IDE: variants seen among roughly 807,000 people sequenced by gnomAD.
IDE encodes insulin-degrading enzyme.
IDE carries 58 observed loss-of-function variants against 133.2 expected under a neutral mutation model. The observed-to-expected ratio is 0.44, with a 90% confidence interval of 0.35 to 0.54. The LOEUF (loss-of-function observed/expected upper bound fraction) is 0.54, where lower values mean the gene tolerates loss of function less well. IDE is among the 20% of genes least tolerant of loss of function. The pLI, the probability that IDE is intolerant of heterozygous loss-of-function variation, is 0.00. For synonymous variants in IDE, 396 were observed against 421.3 expected (o/e 0.94, Z 0.73); for missense variants, 981 against 1,234.0 (o/e 0.79, Z 3.07).
chr10:92,536,095 G>A (rs1271775057), intron 2 of IDE, among the ~76,000 whole-genome samples: 1 of 151,698 alleles, frequency 6.6e-6, no homozygotes, highest in Non-Finnish European at 1.5e-5. Flanking sequence ...TAAGAAATGT[G>A]CCCATGGCAG....
chr10:92,500,417 T>C (rs1319651803), intron 11 of IDE, among the ~76,000 whole-genome samples: 1 of 152,168 alleles, frequency 6.6e-6, no homozygotes, highest in Non-Finnish European at 1.5e-5. Flanking sequence ...TGCTACAACA[T>C]GGATGAACCT....
At chr10:92,528,453 T>G (rs1849743233) in intron 4 of IDE, among the ~76,000 whole-genome samples, 1 of 148,818 alleles carries the variant, frequency 6.7e-6, no homozygotes, top group East Asian at 2.0e-4. Context: ...CAGATCAGAG[T>G]TTCTCTAGAA....
chr10:92,550,650 CAAAAAAA>C (rs71028826), intron 1 of IDE, among the ~76,000 whole-genome samples: 81 of 57,420 alleles, frequency 1.4e-3, no homozygotes, highest in African/African-American at 5.1e-3. Context: ...GACTCCGTCT[CAAAAAAA>C]AAAAAAAAAA....
intron 4 of IDE, among the ~76,000 whole-genome samples, chr10:92,527,128 ATTTTC>A (rs1849666690): frequency 6.6e-6 from 1 of 152,038 alleles, no homozygotes; most frequent in South Asian, 2.1e-4. Context: ...ATTCTCATAT[ATTTTC>A]TTTTAAAAGT....
chr10:92,464,813 G>C (rs1425364117), intron 20 of IDE, among the ~76,000 whole-genome samples: 2 of 152,136 alleles, frequency 1.3e-5, no homozygotes, highest in African/African-American at 4.8e-5. Flanking sequence ...GGGATTACAG[G>C]CATGCACCAC....
At chr10:92,473,649 T>C (rs1846098648) in intron 17 of IDE, among the ~76,000 whole-genome samples, 1 of 151,196 alleles carries the variant, frequency 6.6e-6, no homozygotes, top group African/African-American at 2.4e-5. Context: ...CTGAACATTG[T>C]GTGTTAAGAC....
chr10:92,528,566 T>C (rs1476342401), intron 4 of IDE, among the ~76,000 whole-genome samples: 2 of 152,076 alleles, frequency 1.3e-5, no homozygotes, highest in South Asian at 4.1e-4. Flanking sequence ...AACACATATA[T>C]GTACTCTGAA....
At chr10:92,503,831 G>A (rs932740289) in intron 11 of IDE, among the ~76,000 whole-genome samples, 1 of 150,960 alleles carries the variant, frequency 6.6e-6, no homozygotes, top group Admixed American at 6.6e-5. Flanking sequence ...CGATTCTCCT[G>A]TTGCAGCCTC....
At chr10:92,507,330 G>C (rs1441561815) in intron 9 of IDE, among the ~76,000 whole-genome samples, 1 of 152,136 alleles carries the variant, frequency 6.6e-6, no homozygotes, top group Non-Finnish European at 1.5e-5. Flanking sequence ...AAAAGCATTT[G>C]ATTTCTTCCC....
chr10:92,507,975 G>A, intron 8 of IDE, 138 bp downstream of exon 8: 1 of 690,994 alleles, frequency 1.4e-6, no homozygotes, highest in Non-Finnish European at 2.5e-6. Context: ...AGTTACATAT[G>A]AAAAATACAA....
intron 13 of IDE, 56 bp downstream of exon 13, chr10:92,487,140 C>T: frequency 6.6e-7 from 1 of 1,521,666 alleles, no homozygotes; most frequent in Non-Finnish European, 8.9e-7. Context: ...TTTACCCAGT[C>T]CCCCATGTAT....
chr10:92,498,254 G>T (rs1370583403), intron 11 of IDE, among the ~76,000 whole-genome samples: 1 of 152,194 alleles, frequency 6.6e-6, no homozygotes, highest in East Asian at 1.9e-4. Context: ...AGAAAAAAAT[G>T]ATGTATCCAA....
At chr10:92,483,388 A>C in intron 13 of IDE, 51 bp from the exon 14 acceptor site, 2 of 968,814 alleles carry the variant, frequency 2.1e-6, no homozygotes, top group Non-Finnish European at 3.3e-6. Flanking sequence ...ATTCAGCAAA[A>C]ATGTTCAATC....
chr10:92,488,498 C>T (rs973509190), intron 12 of IDE, among the ~76,000 whole-genome samples: 2 of 152,158 alleles, frequency 1.3e-5, no homozygotes, highest in Non-Finnish European at 2.9e-5. Flanking sequence ...AAAGTTGAGG[C>T]CAGGCGCGGT....
chr10:92,503,906 C>T (rs906244297), intron 11 of IDE, among the ~76,000 whole-genome samples: 3 of 151,778 alleles, frequency 2.0e-5, no homozygotes, highest in Non-Finnish European at 4.4e-5. Flanking sequence ...TTATTAGAGA[C>T]GGGGTTTCTC....
rs540413555 is a variant in IDE, at chr10:92,536,021, G to A, written c.284-1236C>T. 5.3e-5 allele frequency among the ~76,000 whole-genome samples: 8 copies of A among 150,602 alleles called. No individual in the cohort carries two copies. In the East Asian group the frequency reaches 1.6e-3, roughly 30 times the overall value. On this transcript the variant is annotated intron_variant, in intron 2 of 24. Transcript: ENST00000265986. ...ACTGCACTCCAGCCTCGGCAACAGA[G>A]TGAGACTCTGTCTCAGAGAAAAAAA...
chr10:92,458,345 A>G (rs962100298), intron 22 of IDE, among the ~76,000 whole-genome samples: 2 of 152,138 alleles, frequency 1.3e-5, no homozygotes, highest in Non-Finnish European at 2.9e-5. Context: ...CTGATTCTCT[A>G]AGAATGCGAA....
chr10:92,495,555 T>C (rs796468991), intron 11 of IDE, among the ~76,000 whole-genome samples: 7 of 152,234 alleles, frequency 4.6e-5, no homozygotes, highest in African/African-American at 1.7e-4. Flanking sequence ...TTCGCCATGT[T>C]GGCCAGGCTG....
chr10:92,495,761 C>T (rs975365229), intron 11 of IDE, among the ~76,000 whole-genome samples: 7 of 150,914 alleles, frequency 4.6e-5, no homozygotes, highest in African/African-American at 1.7e-4. Flanking sequence ...ACACAAAAGA[C>T]AGAAAGTTGA....
Sources: allele counts gnomAD v4.1 joint callset (sites outside exome capture counted in the v4.1 genomes callset), GRCh38; gene constraint gnomAD v4.1.1; transcripts MANE v1.5; gene names NCBI Gene and HGNC (gene_info 2026-07-23, HGNC 2026-07-21).